PHACTR4: variants seen among roughly 807,000 people sequenced by gnomAD.
The protein encoded by PHACTR4 is protein phosphatase 1, regulatory subunit 124.
Under a neutral mutation model 72.7 loss-of-function variants are expected in PHACTR4, and 51 were observed. The ratio of observed to expected loss-of-function variants is 0.70; its 90% confidence interval spans 0.56 to 0.89. PHACTR4 has a LOEUF of 0.89. Among genes scored for constraint, PHACTR4 ranks in the 40% least tolerant of loss-of-function variants. PHACTR4 has a pLI of 0.00. For missense variants in PHACTR4, 731 were observed against 861.8 expected (o/e 0.85, Z 1.90); for synonymous variants, 255 against 302.5 (o/e 0.84, Z 1.63).
intron 2 of PHACTR4, among the ~76,000 whole-genome samples, chr1:28,427,633 C>T (rs1475111533): frequency 6.6e-6 from 1 of 152,192 alleles, no homozygotes; most frequent in Non-Finnish European, 1.5e-5. Context: ...CATCATCTTC[C>T]CACTGAGGCC....
At chr1:28,414,446 AAAAG>A (rs1433139697) in intron 2 of PHACTR4, among the ~76,000 whole-genome samples, 1 of 149,482 alleles carries the variant, frequency 6.7e-6, no homozygotes, top group Non-Finnish European at 1.5e-5. Flanking sequence ...AAAAAAAAAA[AAAAG>A]CACCGCAGCC....
At chr1:28,460,808 T>C (rs1658748384) in intron 4 of PHACTR4, among the ~76,000 whole-genome samples, 1 of 152,012 alleles carries the variant, frequency 6.6e-6, no homozygotes, top group Non-Finnish European at 1.5e-5. Context: ...TGTGCCTGGC[T>C]AATTTTTTCA....
At chr1:28,426,121 T>C (rs1655825099) in intron 2 of PHACTR4, among the ~76,000 whole-genome samples, 1 of 151,896 alleles carries the variant, frequency 6.6e-6, no homozygotes, top group Non-Finnish European at 1.5e-5. Context: ...CTCGGGAGGC[T>C]GAGGCGGGAG....
At chr1:28,378,612 G>GA (rs1323386329) in intron 1 of PHACTR4, among the ~76,000 whole-genome samples, 3 of 133,066 alleles carry the variant, frequency 2.3e-5, no homozygotes, top group Non-Finnish European at 4.7e-5. Flanking sequence ...GCACAAGGGG[G>GA]AAAAAATAGA....
intron 1 of PHACTR4, among the ~76,000 whole-genome samples, chr1:28,379,593 C>CT (rs575352039): frequency 0.16 from 21,799 of 136,180 alleles, 1,976 homozygotes; most frequent in African/African-American, 0.25. Context: ...AATTTCTTTT[C>CT]TTTTTTTTTT....
intron 1 of PHACTR4, among the ~76,000 whole-genome samples, chr1:28,379,354 A>C (rs1255761699): frequency 4.0e-5 from 6 of 148,700 alleles, no homozygotes; most frequent in African/African-American, 1.5e-4. Flanking sequence ...TGCAACCTCT[A>C]CCTCCTCAGG....
intron 2 of PHACTR4, chr1:28,457,188 C>A: frequency 2.9e-6 from 1 of 342,454 alleles, no homozygotes. Context: ...TATTGAAAAA[C>A]TTCCCTAAAC....
intron 11 of PHACTR4, among the ~76,000 whole-genome samples, chr1:28,491,220 A>AAG (rs370075539): frequency 0.091 from 13,709 of 150,786 alleles, 1,403 homozygotes; most frequent in African/African-American, 0.25. Flanking sequence ...AAAAAAAAAA[A>AAG]AAGAAGAAGA....
chr1:28,492,549 G>A (rs1396360171), intron 12 of PHACTR4, among the ~76,000 whole-genome samples: 2 of 151,848 alleles, frequency 1.3e-5, no homozygotes, highest in Admixed American at 1.3e-4. Flanking sequence ...ATCTCTTGAG[G>A]TCAGGAGTTC....
At chr1:28,433,166 C>G (rs1341395177) in intron 2 of PHACTR4, 2 of 831,602 alleles carry the variant, frequency 2.4e-6, no homozygotes, top group East Asian at 2.5e-4. Flanking sequence ...ATCTTATTAG[C>G]TAACAAATAA....
chr1:28,397,341 C>T (rs1202272839), intron 1 of PHACTR4, among the ~76,000 whole-genome samples: 1 of 152,166 alleles, frequency 6.6e-6, no homozygotes, highest in Non-Finnish European at 1.5e-5. Flanking sequence ...GCAATATTAT[C>T]TTTTGTAACC....
chr1:28,484,749 C>CTT (rs1187380388), intron 9 of PHACTR4, among the ~76,000 whole-genome samples: 1 of 151,546 alleles, frequency 6.6e-6, no homozygotes. Flanking sequence ...GGGTGGATCA[C>CTT]GAGGTCAGGA....
chr1:28,372,885 A>C (rs1025452201), intron 1 of PHACTR4, among the ~76,000 whole-genome samples: 1 of 151,906 alleles, frequency 6.6e-6, no homozygotes, highest in African/African-American at 2.4e-5. Context: ...TAATAAACTA[A>C]GAAACAGCAG....
At chr1:28,476,474 C>T (rs1659926563) in intron 8 of PHACTR4, among the ~76,000 whole-genome samples, 183 bp downstream of exon 8, 1 of 151,708 alleles carries the variant, frequency 6.6e-6, no homozygotes. Context: ...TCTGTTAAAA[C>T]AAGCCAAGAC....
intron 2 of PHACTR4, among the ~76,000 whole-genome samples, chr1:28,418,855 A>T (rs1400977273): frequency 2.0e-5 from 3 of 150,494 alleles, no homozygotes; most frequent in African/African-American, 7.4e-5. Flanking sequence ...GGAGGCTGAG[A>T]CAGGAGAATT....
chr1:28,459,319 A>G, intron 3 of PHACTR4, 61 bp downstream of exon 3: 2 of 1,454,226 alleles, frequency 1.4e-6, no homozygotes, highest in South Asian at 1.3e-5. Context: ...AGATGTATTT[A>G]ATTTTTCCTT....
intron 2 of PHACTR4, among the ~76,000 whole-genome samples, chr1:28,450,990 T>TTTTTTTTTTTTTTTTTTTTTTA (rs1657921458): frequency 7.1e-6 from 1 of 140,904 alleles, no homozygotes; most frequent in Non-Finnish European, 1.6e-5. Flanking sequence ...TTTTTTTTTT[T>TTTTTTTTTTTTTTTTTTTTTTA]TTTTGTATTT....
intron 13 of PHACTR4, among the ~76,000 whole-genome samples, chr1:28,495,564 A>G (rs185827038): frequency 6.6e-6 from 1 of 152,232 alleles, no homozygotes. Context: ...CAAGATACAA[A>G]TGAAAGAAGA....
At chr1:28,474,556 T>C (rs1379242237) in intron 7 of PHACTR4, among the ~76,000 whole-genome samples, 1 of 151,878 alleles carries the variant, frequency 6.6e-6, no homozygotes, top group Non-Finnish European at 1.5e-5. Flanking sequence ...AATTTTTTTT[T>C]TTCCGAGATG....
Sources: gnomAD v4.1 joint callset for allele counts (sites outside exome capture counted in the v4.1 genomes callset) on GRCh38, gnomAD v4.1.1 for gene constraint, MANE v1.5 for transcripts, NCBI Gene and HGNC (gene_info 2026-07-23, HGNC 2026-07-21) for gene names.